Variants in TRPM2 observed in about 807,000 individuals in gnomAD.
The protein encoded by TRPM2 is transient receptor potential cation channel subfamily M member 2.
A neutral mutation model predicts 174.0 loss-of-function variants in TRPM2; 161 were observed. The observed-to-expected ratio is 0.93, with a 90% CI of 0.81 to 1.05. The LOEUF (loss-of-function observed/expected upper bound fraction) is 1.05, where lower values mean the gene tolerates loss of function less well. TRPM2 is among the 50% of genes least tolerant of loss of function. TRPM2 has a pLI of 0.00. For missense variants in TRPM2, 2,057 were observed against 2,038.0 expected (o/e 1.01, Z -0.18); for synonymous variants, 954 against 861.3 (o/e 1.11, Z -1.88).
At chr21:44,418,844 C>T (rs1180882238) in intron 22 of TRPM2, among the ~76,000 whole-genome samples, 1 of 151,868 alleles carries the variant, frequency 6.6e-6, no homozygotes, top group Non-Finnish European at 1.5e-5. Flanking sequence ...CCCGCAGGAT[C>T]CGGCTTGGAG....
At position 44,395,442 on chromosome 21, in the gene TRPM2, A is replaced by C; in HGVS notation, c.1823A>C (p.Tyr608Ser). The change falls in exon 12 of 32, where the codon TAC (tyrosine) becomes TCC (serine). Residue 608 changes from tyrosine (Y) to serine (S), a missense_variant. Physicochemically the swap from Tyr to Ser is moderately radical, Grantham distance 144. Coordinates refer to ENST00000397928, the MANE Select transcript of TRPM2 (RefSeq NM_003307.4). The part of the protein sequence containing the change: ...NVQGVSLRSL[Y>S]KRSSGHVTFT... ...CAGGGAGTGAGCCTCCGGTCCCTCT[A>C]CAAGCGTTCCTCAGGCCATGTGACC... 2.5e-6 allele frequency: 4 copies of C among 1,612,842 alleles called. No homozygotes were observed. Among genetic ancestry groups the C allele is most frequent in the Non-Finnish European group, 3.4e-6 (4 of 1,179,944 alleles).
chr21:44,374,922 T>C (rs962111557), intron 5 of TRPM2, among the ~76,000 whole-genome samples: 3 of 152,018 alleles, frequency 2.0e-5, no homozygotes, highest in African/African-American at 7.3e-5. Flanking sequence ...GAGCCCTTAC[T>C]GCGAGTTGTT....
At chr21:44,404,457 T>C (rs1431899621) in intron 16 of TRPM2, among the ~76,000 whole-genome samples, 1 of 152,224 alleles carries the variant, frequency 6.6e-6, no homozygotes, top group Non-Finnish European at 1.5e-5. Context: ...TACACATATA[T>C]GCACACACAG....
chr21:44,439,119 G>T lies in TRPM2; in HGVS notation c.4220G>T (p.Arg1407Leu). Reference protein sequence around the residue: ...MLPRKLKRILRQEHWPSFENL... With the variant: ...MLPRKLKRILLQEHWPSFENL... ...CCTCGGAAGCTGAAGCGGATCCTCC[G>T]GCAGGAGCACTGGCCGTCTTTTGAA... Residue 1407 changes from arginine (R) to leucine (L), a missense_variant, in exon 30 of 32, where the codon CGG becomes CTG. Arg to Leu is a moderately radical substitution (Grantham distance 102). Coordinates refer to ENST00000397928, the MANE Select transcript of TRPM2 (RefSeq NM_003307.4). The surrounding 1 kb of genome is among the most constrained non-coding windows in gnomAD (Gnocchi z 5.1). 6.2e-7 allele frequency: 1 copy of T among 1,613,762 alleles called. No homozygotes were observed. Among genetic ancestry groups the T allele is most frequent in the Non-Finnish European group, 8.5e-7 (1 of 1,179,872 alleles).
rs952412388 is a variant in TRPM2, at chr21:44,354,522, C to T, written c.166-126C>T. ...GTGCTTCTAATCTTTGGCTCAGGGTCGCGCAGGCTTCCTTCCTTCAAGCAA... is the reference window on the plus strand; with the variant it reads ...GTGCTTCTAATCTTTGGCTCAGGGTTGCGCAGGCTTCCTTCCTTCAAGCAA... On this transcript the variant is annotated intron_variant, in intron 1 of 31. Transcript: ENST00000397928. This position sits in a 1 kb window ranked among gnomAD's most constrained non-coding sequence, Gnocchi z 4.3. 5.2e-6 allele frequency: 4 copies of T among 767,576 alleles called. No homozygotes were observed. Among genetic ancestry groups the T allele is most frequent in the Admixed American group, 2.2e-5 (1 of 45,550 alleles). 47.5% of individuals were successfully genotyped at this position (767,576 alleles called of 1,614,324 possible).
Position 44,384,491 on chromosome 21 carries a change from A to G in TRPM2, c.1318+1671A>G, listed in dbSNP as rs527606283. ...GCACACAGATGCATGAAAGAGAGTA[A>G]GAAAGCAAGAGGGAGCTAAACTTGC... is the stretch of plus-strand genomic sequence containing the variant. On this transcript the variant is annotated intron_variant, in intron 9 of 31. Coordinates refer to ENST00000397928, the MANE Select transcript of TRPM2 (RefSeq NM_003307.4). 5.3e-5 allele frequency among the ~76,000 whole-genome samples: 8 copies of G among 152,338 alleles called. No individual in the cohort carries two copies. In the South Asian group the frequency reaches 1.7e-3, roughly 32 times the overall value.
intron 15 of TRPM2, among the ~76,000 whole-genome samples, chr21:44,401,293 G>T (rs1021767981): frequency 3.3e-5 from 5 of 152,174 alleles, no homozygotes; most frequent in Non-Finnish European, 5.9e-5. Context: ...CCATTTACAG[G>T]AGGGTGACTA....
intron 22 of TRPM2, among the ~76,000 whole-genome samples, chr21:44,421,894 G>T (rs1183940639): frequency 6.6e-6 from 1 of 152,218 alleles, no homozygotes; most frequent in Non-Finnish European, 1.5e-5. Flanking sequence ...TGCAGCCTGG[G>T]TGACAGGGTG....
At chr21:44,369,588 G>C in intron 5 of TRPM2, among the ~76,000 whole-genome samples, 3 of 42,870 alleles carry the variant, frequency 7.0e-5, no homozygotes, top group South Asian at 1.9e-3. Context: ...GGTGCTGCGG[G>C]GAGCAGGTGG....
intron 17 of TRPM2, 40 bp downstream of exon 17, chr21:44,405,300 G>A (rs1426428896): frequency 1.3e-5 from 21 of 1,607,942 alleles, no homozygotes; most frequent in Admixed American, 1.7e-5. Flanking sequence ...GTCTGAGGCA[G>A]CCAGCCCTGC....
At position 44,397,722 on chromosome 21, in the gene TRPM2, T is replaced by C. The variant is rs1378277609; in HGVS notation, c.1933-25T>C. ...CTGGGTTGAGCCTGGCTCTTTAGTC[T>C]CACGGTGGCTCCTCTGGTCCCCAGA... On this transcript the variant is annotated intron_variant, in intron 12 of 31. Transcript: ENST00000397928. 3 of 1,541,078 alleles carry C rather than the reference T, an allele frequency of 1.9e-6. No individual in the cohort carries two copies. The African/African-American group carries it at 4.1e-5, about 21-fold the overall frequency.
At chr21:44,428,092 A>G (rs547426195) in intron 27 of TRPM2, among the ~76,000 whole-genome samples, 4 of 152,290 alleles carry the variant, frequency 2.6e-5, no homozygotes, top group Admixed American at 2.6e-4. Context: ...TTAGTAGTGC[A>G]GAAGAGCACT....
intron 2 of TRPM2, among the ~76,000 whole-genome samples, chr21:44,355,514 A>C (rs544768051): frequency 6.6e-6 from 1 of 152,268 alleles, no homozygotes; most frequent in Admixed American, 6.5e-5. Flanking sequence ...GCCTTCCGTG[A>C]CTATACAACC....
At chr21:44,355,800 G>A (rs2048042573) in intron 2 of TRPM2, among the ~76,000 whole-genome samples, 1 of 151,594 alleles carries the variant, frequency 6.6e-6, no homozygotes, top group South Asian at 2.1e-4. Context: ...CATCATCAGA[G>A]TTTCACGGTC....
Position 44,366,952 on chromosome 21 carries a change from G to A in TRPM2, c.604+18G>A, listed in dbSNP as rs755031998. 7.7e-6 allele frequency: 12 copies of A among 1,559,576 alleles called. No individual in the cohort carries two copies. In the South Asian group the frequency reaches 1.2e-4, roughly 16 times the overall value. ...GACCACAGGTAACTCGGAGGCTGGA[G>A]GGACACGAGGCCCCGGCGGGTGGGG... On this transcript the variant is annotated intron_variant, in intron 4 of 31. Coordinates refer to ENST00000397928, the MANE Select transcript of TRPM2 (RefSeq NM_003307.4). This position sits in a 1 kb window ranked among gnomAD's most constrained non-coding sequence, Gnocchi z 6.0.
At chr21:44,362,616 G>A (rs1411897201) in intron 2 of TRPM2, among the ~76,000 whole-genome samples, 1 of 151,790 alleles carries the variant, frequency 6.6e-6, no homozygotes, top group Non-Finnish European at 1.5e-5. Context: ...TACTCTTTTT[G>A]TTATTCTTTC....
In TRPM2 at chr21:44,391,481, G is replaced by T. The variant is rs777411338; in HGVS notation, c.1650G>T (p.Ala550=). The T allele has an allele frequency of 1.9e-6, 3 of 1,598,628 alleles. No individual in the cohort carries two copies. The highest frequency in any genetic ancestry group is 2.5e-6 in the Non-Finnish European group (3 of 1,176,578). ...AGGATCCCGAGCGCCCGGCTTGCGC[G>T]CCCGCGGCGCCCCGCCTGCAGATGC... ...LVEDPERPAC[A]PAAPRLQMHH... The change falls in exon 11 of 32, where the codon GCG becomes GCT. Residue 550 remains alanine (A), a synonymous_variant. Transcript: ENST00000397928. The surrounding 1 kb of genome is among the most constrained non-coding windows in gnomAD (Gnocchi z 5.0).
intron 27 of TRPM2, among the ~76,000 whole-genome samples, chr21:44,429,825 T>A (rs1304204331): frequency 1.3e-5 from 2 of 152,198 alleles, no homozygotes; most frequent in African/African-American, 4.8e-5. Context: ...TTCTTCAGTG[T>A]AATTTAGAAT....
chr21:44,402,414 G>A (rs1029351522), intron 16 of TRPM2, among the ~76,000 whole-genome samples: 2 of 152,206 alleles, frequency 1.3e-5, no homozygotes, highest in South Asian at 4.1e-4. Context: ...CCCTGTGGAG[G>A]TGTGGGTGGC....
Sources: gnomAD v4.1 joint callset for allele counts (sites outside exome capture counted in the v4.1 genomes callset) on GRCh38, gnomAD v4.1.1 for gene constraint, Gnocchi (gnomAD v3.1) non-coding constraint, MANE v1.5 for transcripts, NCBI Gene and HGNC (gene_info 2026-07-23, HGNC 2026-07-21) for gene names.